CCL3: variants seen among roughly 807,000 people sequenced by gnomAD.
The protein encoded by CCL3 is C-C motif chemokine ligand 3.
In CCL3, 6 loss-of-function variants were observed where a neutral mutation model predicts 8.1. The ratio of observed to expected loss-of-function variants is 0.74; its 90% CI spans 0.41 to 1.46. The LOEUF (loss-of-function observed/expected upper bound fraction) is 1.46. Ranked by LOEUF, CCL3 falls within the 40% of genes most tolerant of loss-of-function variation. The pLI, the probability that CCL3 is intolerant of heterozygous loss-of-function variation, is 0.02. For missense variants in CCL3, 109 were observed against 117.7 expected, an observed-to-expected ratio of 0.93 and a Z score of 0.34; for synonymous variants, 45 against 45.1, an observed-to-expected ratio of 1.00 and a Z score of 0.01.
chr17:36,089,901 G>A (rs2067029282), intron 1 of CCL3, 85 bp downstream of exon 1: 1 of 1,290,634 alleles, frequency 7.7e-7, no homozygotes, highest in African/African-American at 1.5e-5. Context: ...CTTTTCTCTT[G>A]GGGGCTTTTA....
At chr17:36,088,877 T>C (rs542527118) in intron 2 of CCL3, 115 bp from the exon 3 acceptor site, 129 of 1,410,594 alleles carry the variant, frequency 9.1e-5, no homozygotes, top group African/African-American at 2.7e-4. Context: ...TTGCTCCTCT[T>C]TCAGGGGCCC....
At chr17:36,089,014 A>ACC (rs1344898830) in intron 2 of CCL3, among the ~76,000 whole-genome samples, 169 bp downstream of exon 2, 167 of 152,024 alleles carry the variant, frequency 1.1e-3, no homozygotes, top group African/African-American at 3.4e-3. Flanking sequence ...ACTCTGTAAC[A>ACC]CATGCCTCAC....
intron 2 of CCL3, 110 bp downstream of exon 2, chr17:36,089,073 C>G: frequency 7.1e-7 from 1 of 1,416,182 alleles, no homozygotes; most frequent in Non-Finnish European, 1.0e-6. Flanking sequence ...CCTGTATCCC[C>G]GATAGGCTCC....
intron 2 of CCL3, 107 bp from the exon 3 acceptor site, chr17:36,088,869 G>C (rs1018732965): frequency 4.1e-5 from 61 of 1,470,032 alleles, no homozygotes; most frequent in Non-Finnish European, 5.3e-5. Context: ...CTCAGGGCTT[G>C]CTCCTCTTTC....
chr17:36,090,042 G>T lies in CCL3; in HGVS notation c.17C>A (p.Ala6Asp). 2 of 1,613,580 alleles carry T rather than the reference G, an allele frequency of 1.2e-6. No individual in the cohort carries two copies. Among genetic ancestry groups the T allele is most frequent in the South Asian group, 2.2e-5 (2 of 91,046 alleles). ...GGTGCAGAGGAGGACAGCAAGGGCA[G>T]CAGTGGAGACCTGCATGATTCTGAG... MQVSTAALAVLLCTMA... is the reference protein window; with the variant it reads MQVSTDALAVLLCTMA... The change falls in exon 1 of 3, where the codon GCT becomes GAT. Residue 6 changes from alanine to aspartate, a missense_variant. Coordinates refer to ENST00000613922, the MANE Select transcript of CCL3 (RefSeq NM_002983.3).
rs369616115 is a variant in CCL3 at position 36,090,026 on chromosome 17, G to A, written c.33C>T (p.Leu11=). 1.9e-6 allele frequency: 3 copies of A among 1,613,674 alleles called. No homozygotes were observed. The highest frequency in any genetic ancestry group is 2.2e-5 in the South Asian group (2 of 91,058). The part of the protein sequence containing the change: MQVSTAALAV[L]LCTMALCNQF... ...GGTTGCAGAGAGCCATGGTGCAGAG[G>A]AGGACAGCAAGGGCAGCAGTGGAGA... Residue 11 remains leucine (L), a synonymous_variant, in exon 1 of 3, where the codon CTC becomes CTT. Transcript: ENST00000613922.
rs2067010061 is a variant in CCL3 at position 36,088,722 on chromosome 17, T to C, written c.229A>G (p.Ser77Gly). 6.2e-7 allele frequency: 1 copy of C among 1,613,790 alleles called. No individual in the cohort carries two copies. Residue 77 changes from serine to glycine, a missense_variant, in exon 3 of 3, where the codon AGT becomes GGT. Transcript: ENST00000613922. ...KRSRQVCADP[S>G]EEWVQKYVSD... ...ACATATTTCTGGACCCACTCCTCAC[T>C]GGGGTCAGCACAGACCTGCCGGCTT... is the stretch of plus-strand genomic sequence containing the variant.
Position 36,088,535 on chromosome 17 carries a change from A to C in CCL3, c.*137T>G. 2 of 848,270 alleles carry C rather than the reference A, an allele frequency of 2.4e-6. No individual in the cohort carries two copies. The highest frequency in any genetic ancestry group is 4.2e-5 in the Admixed American group (2 of 47,456). The allele number at this position is 848,270 out of a possible 1,614,324, so 52.5% of individuals were successfully genotyped here. On this transcript the variant is annotated 3_prime_UTR_variant, in exon 3 of 3. Transcript: ENST00000613922. ...TAAAATTTAAGTTAAGAAGAGTCCC[A>C]CAGTGTGGCTGTTTGGCAACAACCA...
chr17:36,088,525 G>A lies in CCL3; in HGVS notation c.*147C>T. ...ATAAATAAATTAAAATTTAAGTTAA[G>A]AAGAGTCCCACAGTGTGGCTGTTTG... On this transcript the variant is annotated 3_prime_UTR_variant, in exon 3 of 3. Transcript: ENST00000613922. 1.3e-6 allele frequency: 1 copy of A among 774,832 alleles called. No homozygotes were observed. The highest frequency in any genetic ancestry group is 1.5e-5 in the South Asian group (1 of 66,322). 48.0% of individuals were successfully genotyped at this position (774,832 alleles called of 1,614,324 possible). A position where few individuals can be genotyped will look rare whatever the true frequency, so the allele number is the denominator to read the frequency against.
intron 1 of CCL3, 45 bp from the exon 2 acceptor site, chr17:36,089,342 A>T: frequency 6.2e-7 from 1 of 1,612,810 alleles, no homozygotes; most frequent in South Asian, 1.1e-5. Flanking sequence ...AGCTCAGAAG[A>T]AAAGGCCAGG....
intron 2 of CCL3, among the ~76,000 whole-genome samples, 155 bp downstream of exon 2, chr17:36,089,028 A>C (rs1218842923): frequency 6.6e-6 from 1 of 152,040 alleles, no homozygotes; most frequent in African/African-American, 2.4e-5. Context: ...GCCTCACTCC[A>C]GCTCCAAGTC....
In CCL3 at chr17:36,089,920, G is replaced by T. The variant is rs534961914; in HGVS notation, c.73+66C>A. On this transcript the variant is annotated intron_variant, in intron 1 of 2. Transcript: ENST00000613922. ...TCTCTTGGGGGCTTTTAGGCCACAA[G>T]AAAAGATTGATGTGGTCTAACCATG... 4.0e-4 allele frequency: 590 copies of T among 1,473,350 alleles called. 9 individuals are homozygous for T. In the South Asian group the frequency reaches 6.1e-3, roughly 15 times the overall value. 91.3% of individuals were successfully genotyped at this position (1,473,350 alleles called of 1,614,324 possible).
Position 36,090,134 on chromosome 17 carries a change from G to C in CCL3, c.-76C>G. ...AAGGACTGACCACTGTCTGCTGCCC[G>C]TGTCCTTCTGAAGTCTGAAACCAGC... On this transcript the variant is annotated 5_prime_UTR_variant, in exon 1 of 3. Coordinates refer to ENST00000613922, the MANE Select transcript of CCL3 (RefSeq NM_002983.3). 1.4e-6 allele frequency: 2 copies of C among 1,388,090 alleles called. No individual in the cohort carries two copies. Among genetic ancestry groups the C allele is most frequent in the East Asian group, 4.8e-5 (2 of 41,322 alleles). 86.0% of individuals were successfully genotyped at this position (1,388,090 alleles called of 1,614,324 possible).
In CCL3 at chr17:36,088,645, C is replaced by T. The variant is rs749642132; in HGVS notation, c.*27G>A. The T allele has an allele frequency of 4.3e-6, 7 of 1,612,516 alleles. No homozygotes were observed. The South Asian group carries it at 6.6e-5, about 15-fold the overall frequency. ...TCCTCCCCACTGGGCCCACCGAGGT[C>T]GCTGGGCCTCGAAGCTTCTGGACCC... On this transcript the variant is annotated 3_prime_UTR_variant, in exon 3 of 3. Transcript: ENST00000613922.
At chr17:36,089,421 G>C in intron 1 of CCL3, 124 bp from the exon 2 acceptor site, 1 of 1,136,920 alleles carries the variant, frequency 8.8e-7, no homozygotes, top group Non-Finnish European at 1.3e-6. Flanking sequence ...AGGCATTTGG[G>C]CATTTTTGCT....
At chr17:36,089,354 A>G in intron 1 of CCL3, 57 bp from the exon 2 acceptor site, 1 of 1,609,908 alleles carries the variant, frequency 6.2e-7, no homozygotes, top group Non-Finnish European at 8.5e-7. Context: ...AAGGCCAGGC[A>G]GCTTCTGATC....
At chr17:36,089,333 G>A in intron 1 of CCL3, 36 bp from the exon 2 acceptor site, 2 of 1,613,852 alleles carry the variant, frequency 1.2e-6, no homozygotes, top group Non-Finnish European at 1.7e-6. Context: ...CCGAGTCACA[G>A]CTCAGAAGAA....
At chr17:36,089,685 T>TG (rs2067025806) in intron 1 of CCL3, 1 of 668,666 alleles carries the variant, frequency 1.5e-6, no homozygotes, top group Admixed American at 2.1e-5. Context: ...CATACCCCAC[T>TG]GGGAAGTAAG....
In CCL3 at chr17:36,089,977, C is replaced by T; in HGVS notation, c.73+9G>A. ...GAGTGGTGATACCCACAACGAAACT[C>T]AGACTCACGTGATGCAGAGAACTGG... On this transcript the variant is annotated intron_variant, in intron 1 of 2. Transcript: ENST00000613922. 6.2e-7 allele frequency: 1 copy of T among 1,613,510 alleles called. No individual in the cohort carries two copies. Among genetic ancestry groups the T allele is most frequent in the South Asian group, 1.1e-5 (1 of 91,056 alleles).
Sources: allele counts gnomAD v4.1 joint callset (sites outside exome capture counted in the v4.1 genomes callset), GRCh38; gene constraint gnomAD v4.1.1; transcripts MANE v1.5; gene names NCBI Gene and HGNC (gene_info 2026-07-23, HGNC 2026-07-21).